PCBP3: variants seen among roughly 807,000 people sequenced by gnomAD.
The protein encoded by PCBP3 is poly(rC) binding protein 3.
PCBP3 carries 25 observed loss-of-function variants against 52.7 expected under a neutral mutation model. That is an observed-to-expected ratio of 0.47 (90% confidence interval 0.35 to 0.66). PCBP3 has a LOEUF of 0.66. PCBP3 is among the 30% of genes least tolerant of loss of function. The pLI, the probability that PCBP3 is intolerant of heterozygous loss-of-function variation, is 0.01. For synonymous variants in PCBP3, 162 were observed against 183.0 expected, an observed-to-expected ratio of 0.89 and a Z score of 0.93; for missense variants, 391 against 490.3, an observed-to-expected ratio of 0.80 and a Z score of 1.91.
At chr21:45,658,187 C>G (rs1603149206) in intron 1 of PCBP3, among the ~76,000 whole-genome samples, 1 of 152,280 alleles carries the variant, frequency 6.6e-6, no homozygotes, top group East Asian at 1.9e-4. Flanking sequence ...ATATTAATGT[C>G]ATGTATTACA....
At chr21:45,936,899 A>T (rs1299005578) in intron 16 of PCBP3, among the ~76,000 whole-genome samples, 1 of 152,184 alleles carries the variant, frequency 6.6e-6, no homozygotes, top group Non-Finnish European at 1.5e-5. Flanking sequence ...CCTAGGGAAG[A>T]GACCCACTTC....
chr21:45,705,051 G>T (rs2083365448), intron 2 of PCBP3, among the ~76,000 whole-genome samples: 1 of 152,202 alleles, frequency 6.6e-6, no homozygotes, highest in South Asian at 2.1e-4. Context: ...CTGGCTGTGA[G>T]GAGCTCTCTC....
intron 4 of PCBP3, among the ~76,000 whole-genome samples, chr21:45,822,197 C>T (rs1254226137): frequency 1.3e-5 from 2 of 152,166 alleles, no homozygotes; most frequent in African/African-American, 4.8e-5. Context: ...TGGCAGGACT[C>T]CTGCAGGCAC....
At chr21:45,884,225 C>G (rs564206476) in intron 5 of PCBP3, among the ~76,000 whole-genome samples, 2 of 152,152 alleles carry the variant, frequency 1.3e-5, no homozygotes, top group African/African-American at 2.4e-5. Context: ...CGTGAGCCAT[C>G]GCACCCAGCC....
At chr21:45,868,553 C>T (rs916900263) in intron 5 of PCBP3, among the ~76,000 whole-genome samples, 1 of 151,960 alleles carries the variant, frequency 6.6e-6, no homozygotes, top group Non-Finnish European at 1.5e-5. Context: ...GTCTGGCCCG[C>T]GCATTGAGGA....
intron 5 of PCBP3, chr21:45,894,112 G>C (rs2095757815): frequency 1.2e-6 from 1 of 862,222 alleles, no homozygotes; most frequent in Non-Finnish European, 1.4e-6. Context: ...ACTGGAGCAG[G>C]GTAGGTCCTC....
intron 4 of PCBP3, among the ~76,000 whole-genome samples, chr21:45,766,634 G>A (rs2089353932): frequency 6.6e-6 from 1 of 152,176 alleles, no homozygotes; most frequent in Non-Finnish European, 1.5e-5. Flanking sequence ...TACACTTTTG[G>A]GAAAGCAGCC....
intron 5 of PCBP3, among the ~76,000 whole-genome samples, chr21:45,866,477 G>A (rs569745596): frequency 6.6e-6 from 1 of 152,338 alleles, no homozygotes; most frequent in South Asian, 2.1e-4. Context: ...GCTCGCTCAT[G>A]GTTAAGGTTA....
chr21:45,901,744 A>AG (rs1569474835), intron 9 of PCBP3, among the ~76,000 whole-genome samples: 12 of 86,794 alleles, frequency 1.4e-4, no homozygotes, highest in African/African-American at 4.8e-4. Context: ...GAGAGACAGA[A>AG]AGAGAGAGAG....
At chr21:45,823,324 C>T (rs1204210890) in intron 4 of PCBP3, among the ~76,000 whole-genome samples, 2 of 152,152 alleles carry the variant, frequency 1.3e-5, no homozygotes, top group Non-Finnish European at 2.9e-5. Context: ...CAGAAAACGT[C>T]GGCCTTAATT....
chr21:45,789,815 T>C (rs925989825), intron 4 of PCBP3, among the ~76,000 whole-genome samples: 1 of 152,024 alleles, frequency 6.6e-6, no homozygotes, highest in African/African-American at 2.4e-5. Flanking sequence ...CGAGTTAGGT[T>C]CTCGCCAAAT....
intron 2 of PCBP3, among the ~76,000 whole-genome samples, chr21:45,688,653 A>G (rs902945794): frequency 6.6e-6 from 1 of 152,130 alleles, no homozygotes; most frequent in African/African-American, 2.4e-5. Context: ...GAAAAACAGT[A>G]AAAAGAATAT....
intron 5 of PCBP3, among the ~76,000 whole-genome samples, chr21:45,892,589 G>C (rs2095705613): frequency 6.6e-6 from 1 of 152,050 alleles, no homozygotes; most frequent in Non-Finnish European, 1.5e-5. Context: ...AGCAGGCATG[G>C]TCTGTGCGGC....
chr21:45,771,098 C>G (rs2089828592), intron 4 of PCBP3, among the ~76,000 whole-genome samples: 2 of 152,262 alleles, frequency 1.3e-5, no homozygotes, highest in Non-Finnish European at 2.9e-5. Context: ...GCTCTTCCTT[C>G]CCCCTGGCTC....
rs765931494 is a variant in PCBP3 at position 45,646,107 on chromosome 21, C to CTGTG, written c.-279+2275_-279+2278dup. The stretch of plus-strand genomic sequence containing the variant: ...TTTCTCTCTCTCTCTCTCTCTCTCT[C>CTGTG]TGTGTGTGTGTGTGTGTGTGTGTGT... On this transcript the variant is annotated intron_variant, in intron 1 of 17. Coordinates refer to ENST00000681687, the MANE Select transcript of PCBP3 (RefSeq NM_001384156.1). Among the ~76,000 whole-genome samples the CTGTG allele has an allele frequency of 7.2e-3, 600 of 83,800 alleles. 3 individuals carry two copies. Among genetic ancestry groups the CTGTG allele is most frequent in the East Asian group, 0.03 (85 of 2,868 alleles). 55.0% of individuals were successfully genotyped at this position (83,800 alleles called of 152,430 possible).
intron 2 of PCBP3, among the ~76,000 whole-genome samples, chr21:45,709,396 C>T (rs548284150): frequency 6.6e-6 from 1 of 152,240 alleles, no homozygotes; most frequent in Non-Finnish European, 1.5e-5. Flanking sequence ...ATATTGAGTA[C>T]TTCCTGTAAA....
At chr21:45,769,107 G>A (rs1438063596) in intron 4 of PCBP3, among the ~76,000 whole-genome samples, 2 of 152,228 alleles carry the variant, frequency 1.3e-5, no homozygotes, top group African/African-American at 2.4e-5. Context: ...CTCAGCCTCA[G>A]CCCCTCTTTC....
In PCBP3 at chr21:45,901,131, C is replaced by T. The variant is rs1215739367; in HGVS notation, c.339+18C>T. 2 of 1,542,682 alleles carry T rather than the reference C, an allele frequency of 1.3e-6. No individual in the cohort carries two copies. Among genetic ancestry groups the T allele is most frequent in the Non-Finnish European group, 1.8e-6 (2 of 1,115,944 alleles). ...TTGAGGAGGTAACCTGCACCCCAGG[C>T]ACCTCTGCCAGCCTGGCGGGGGCAG... On this transcript the variant is annotated intron_variant, in intron 9 of 17. Transcript: ENST00000681687.
rs923994779 is a variant in PCBP3 at position 45,853,629 on chromosome 21, T to C, written c.10+3534T>C. Among the ~76,000 whole-genome samples, 1 of 152,168 alleles carries C rather than the reference T, an allele frequency of 6.6e-6. No individual in the cohort carries two copies. Among genetic ancestry groups the C allele is most frequent in the Non-Finnish European group, 1.5e-5 (1 of 68,034 alleles). On this transcript the variant is annotated intron_variant, in intron 5 of 17. Coordinates refer to ENST00000681687, the MANE Select transcript of PCBP3 (RefSeq NM_001384156.1). The surrounding 1 kb of genome is among the most constrained non-coding windows in gnomAD (Gnocchi z 4.6). ...CCTGTCATGGCTGAAGTGTTTGCAT[T>C]TGATTTAGTTCTAGGAAGACCTTAG...
Sources: gnomAD v4.1 joint callset for allele counts (sites outside exome capture counted in the v4.1 genomes callset) on GRCh38, gnomAD v4.1.1 for gene constraint, Gnocchi (gnomAD v3.1) non-coding constraint, MANE v1.5 for transcripts, NCBI Gene and HGNC (gene_info 2026-07-23, HGNC 2026-07-21) for gene names.